Variants in IL22RA2 observed in about 807,000 individuals in gnomAD.
IL22RA2 encodes the protein interleukin-22 receptor subunit alpha-2.
A neutral mutation model predicts 30.7 loss-of-function variants in IL22RA2; 39 were observed. That is an observed-to-expected ratio of 1.27 (90% CI 0.98 to 1.66). The LOEUF (loss-of-function observed/expected upper bound fraction) is 1.66. Ranked by LOEUF, IL22RA2 falls within the 40% of genes most tolerant of loss-of-function variation. The pLI, the probability that IL22RA2 is intolerant of heterozygous loss-of-function variation, is 0.00. For synonymous variants in IL22RA2, 103 were observed against 105.0 expected, an observed-to-expected ratio of 0.98 and a Z score of 0.11; for missense variants, 315 against 312.7, an observed-to-expected ratio of 1.01 and a Z score of -0.05.
In IL22RA2 at chr6:137,163,469, C is replaced by T. The variant is rs184374090; in HGVS notation, c.-65-1655G>A. Among the ~76,000 whole-genome samples the T allele has an allele frequency of 1.5e-3, 224 of 152,270 alleles. 4 individuals are homozygous for T. The highest frequency in any genetic ancestry group is 3.4e-3 in the Middle Eastern group (1 of 294). ...GGAAATCTGGGGTCCTTGGTGCCAC[C>T]GGGAGAGTTTTAGCCCAGAAGGAGA... On this transcript the variant is annotated intron_variant, in intron 1 of 6. Transcript: ENST00000296980.
At chr6:137,167,929 G>GAT (rs951694059) in intron 1 of IL22RA2, among the ~76,000 whole-genome samples, 14 of 152,342 alleles carry the variant, frequency 9.2e-5, no homozygotes, top group African/African-American at 3.4e-4. Flanking sequence ...GGAAGTCAAT[G>GAT]ATACATAAGT....
rs1327676200 is a variant in IL22RA2 at position 137,158,413 on chromosome 6, ATGT to A, written c.128_130del (p.Asn43del). 27 of 1,614,032 alleles carry A rather than the reference ATGT, an allele frequency of 1.7e-5. No homozygotes were observed. Among genetic ancestry groups the A allele is most frequent in the African/African-American group, 8.0e-5 (6 of 74,932 alleles). On this transcript the variant is annotated inframe_deletion, in exon 3 of 7. Coordinates refer to ENST00000296980, the MANE Select transcript of IL22RA2 (RefSeq NM_052962.3). ...TGCCCTCCCAGGCTGCCATTGCAAA[ATGT>A]TGTGAAAATTTCGGGACTGAAATTG...
rs143485398 is a variant in IL22RA2 at position 137,154,966 on chromosome 6, C to T, written c.447G>A (p.Thr149=). 4.3e-5 allele frequency: 69 copies of T among 1,614,080 alleles called. No individual in the cohort carries two copies. The African/African-American group carries it at 6.7e-4, about 16-fold the overall frequency. ...SAGSYSEWSM[T]PRFTPWWETK... ...TTTCCCACCAGGGAGTGAACCGCGG[C>T]GTCATGCTCCATTCTGAGTAGCTCC... Residue 149 remains threonine, a synonymous_variant, in exon 5 of 7, where the codon ACG becomes ACA. Transcript: ENST00000296980.
intron 3 of IL22RA2, 40 bp downstream of exon 3, chr6:137,158,307 G>C (rs753723324): frequency 5.0e-6 from 8 of 1,610,278 alleles, no homozygotes; most frequent in Non-Finnish European, 6.8e-6. Flanking sequence ...TGTTATCCCA[G>C]TGCCATCTCT....
intron 6 of IL22RA2, among the ~76,000 whole-genome samples, chr6:137,146,866 T>C (rs1222731588): frequency 4.0e-5 from 6 of 151,762 alleles, no homozygotes; most frequent in African/African-American, 1.5e-4. Flanking sequence ...CATGGTGGCA[T>C]GCACCTGTAG....
intron 5 of IL22RA2, among the ~76,000 whole-genome samples, chr6:137,151,533 G>A (rs187841698): frequency 3.0e-4 from 46 of 152,238 alleles, no homozygotes; most frequent in African/African-American, 1.1e-3. Context: ...AAAAGCACAA[G>A]CAACAAAAGA....
intron 1 of IL22RA2, among the ~76,000 whole-genome samples, chr6:137,169,730 C>G (rs1778694500): frequency 6.6e-6 from 1 of 152,184 alleles, no homozygotes; most frequent in Non-Finnish European, 1.5e-5. Flanking sequence ...ATGAAACAGC[C>G]TGAGCCTTAG....
Position 137,144,710 on chromosome 6 carries a change from T to G in IL22RA2, c.*914A>C, listed in dbSNP as rs1034038868. The G allele has an allele frequency of 1.3e-5, 2 of 152,166 alleles. No homozygotes were observed. Among genetic ancestry groups the G allele is most frequent in the African/African-American group, 4.8e-5 (2 of 41,428 alleles). The allele number at this position is 152,166 out of a possible 1,614,324, so 9.4% of individuals were successfully genotyped here. On this transcript the variant is annotated 3_prime_UTR_variant, in exon 7 of 7. Transcript: ENST00000296980. The stretch of plus-strand genomic sequence containing the variant: ...TGGGGTCGACCCCAGCAGTTCCCAA[T>G]AAACCATCATTCATGGGATCCTCCT...
At position 137,144,358 on chromosome 6, in the gene IL22RA2, G is replaced by A. The variant is rs943050416; in HGVS notation, c.*1266C>T. 3 of 152,108 alleles carry A rather than the reference G, an allele frequency of 2.0e-5. No individual in the cohort carries two copies. Among genetic ancestry groups the A allele is most frequent in the Admixed American group, 2.0e-4 (3 of 15,266 alleles). 9.4% of individuals were successfully genotyped at this position (152,108 alleles called of 1,614,324 possible). A position where few individuals can be genotyped will look rare whatever the true frequency, so the allele number is the denominator to read the frequency against. On this transcript the variant is annotated 3_prime_UTR_variant, in exon 7 of 7. Coordinates refer to ENST00000296980, the MANE Select transcript of IL22RA2 (RefSeq NM_052962.3). ...TTAATCCATTTATCACTGAGTACTT[G>A]CATATAACTAGAAGCACCGACTATA...
At chr6:137,163,967 C>A (rs1352768273) in intron 1 of IL22RA2, among the ~76,000 whole-genome samples, 1 of 152,138 alleles carries the variant, frequency 6.6e-6, no homozygotes, top group Admixed American at 6.5e-5. Context: ...ACCAGCTCCA[C>A]AGCTGCAGCT....
chr6:137,153,687 C>CTGAT (rs1166353045), intron 5 of IL22RA2, among the ~76,000 whole-genome samples: 4 of 152,228 alleles, frequency 2.6e-5, no homozygotes, highest in South Asian at 2.1e-4. Flanking sequence ...GTGATTCATT[C>CTGAT]TGATTTTCAA....
chr6:137,173,202 T>C (rs927863642), intron 1 of IL22RA2, among the ~76,000 whole-genome samples: 1 of 152,142 alleles, frequency 6.6e-6, no homozygotes, highest in Non-Finnish European at 1.5e-5. Flanking sequence ...TGCAACCCCG[T>C]CTGTACTAAA....
intron 2 of IL22RA2, 54 bp downstream of exon 2, chr6:137,161,635 G>T: frequency 1.4e-6 from 2 of 1,448,738 alleles, no homozygotes; most frequent in South Asian, 1.2e-5. Context: ...ACAGATCCTT[G>T]ATTGGACTCA....
At chr6:137,151,197 G>C (rs1430659815) in intron 5 of IL22RA2, among the ~76,000 whole-genome samples, 4 of 152,182 alleles carry the variant, frequency 2.6e-5, no homozygotes, top group Non-Finnish European at 4.4e-5. Context: ...AATCAAAATA[G>C]TGTGGTATGG....
chr6:137,155,293 A>G (rs1406938080), intron 4 of IL22RA2, among the ~76,000 whole-genome samples, 174 bp from the exon 5 acceptor site: 1 of 151,984 alleles, frequency 6.6e-6, no homozygotes, highest in Non-Finnish European at 1.5e-5. Context: ...GTTTCAGTCC[A>G]TTTTCTGTTG....
chr6:137,157,681 AC>A (rs796192184), intron 3 of IL22RA2, among the ~76,000 whole-genome samples: 1 of 118,876 alleles, frequency 8.4e-6, no homozygotes, highest in Non-Finnish European at 1.8e-5. Context: ...AACCCCCCTC[AC>A]CCCCCCAGAA....
At chr6:137,150,138 T>G (rs1778259718) in intron 5 of IL22RA2, among the ~76,000 whole-genome samples, 1 of 152,220 alleles carries the variant, frequency 6.6e-6, no homozygotes, top group South Asian at 2.1e-4. Context: ...TCAGAACTTC[T>G]TAATCTAAGA....
At chr6:137,172,710 C>T (rs1049191698) in intron 1 of IL22RA2, among the ~76,000 whole-genome samples, 1 of 152,218 alleles carries the variant, frequency 6.6e-6, no homozygotes, top group South Asian at 2.1e-4. Flanking sequence ...TTTCCATCAT[C>T]GTGTTGACTC....
In IL22RA2 at chr6:137,158,356, T is replaced by C; in HGVS notation, c.188A>G (p.Gln63Arg). The change falls in exon 3 of 7, where the codon CAG becomes CGG. Residue 63 changes from glutamine (Q) to arginine (R), a missense_variant. By Grantham distance (43) the Gln-to-Arg change is conservative (BLOSUM62 1). Transcript: ENST00000296980. ...GGCTCAATTTACTTACATTTTGTACTGCACAAAATAGACACTGCTGTTGCC... is the reference window on the plus strand; with the variant it reads ...GGCTCAATTTACTTACATTTTGTACCGCACAAAATAGACACTGCTGTTGCC... ...LTGNSSVYFV[Q>R]YKIMFSCSMK... is the part of the protein sequence containing the mutation. 6.2e-7 allele frequency: 1 copy of C among 1,614,190 alleles called. No homozygotes were observed. The highest frequency in any genetic ancestry group is 8.5e-7 in the Non-Finnish European group (1 of 1,179,990).
Sources: gnomAD v4.1 joint callset for allele counts (sites outside exome capture counted in the v4.1 genomes callset) on GRCh38, gnomAD v4.1.1 for gene constraint, MANE v1.5 for transcripts, NCBI Gene and HGNC (gene_info 2026-07-23, HGNC 2026-07-21) for gene names.